Variants in GXYLT1 observed in about 807,000 individuals in gnomAD.
GXYLT1 encodes glycosyltransferase 8 domain containing 3.
Under a neutral mutation model 54.0 loss-of-function variants are expected in GXYLT1, and 29 were observed. That is an observed-to-expected ratio of 0.54 (90% CI 0.40 to 0.73). The LOEUF (loss-of-function observed/expected upper bound fraction) is 0.73. Ranked by LOEUF, GXYLT1 falls within the 30% of genes least tolerant of loss-of-function variation. The probability of loss-of-function intolerance (pLI) is 0.00; values close to 1 mark genes in which losing one functional copy is unlikely to be tolerated. For missense variants in GXYLT1, 490 were observed against 553.4 expected, an observed-to-expected ratio of 0.89 and a Z score of 1.15; for synonymous variants, 176 against 204.1, an observed-to-expected ratio of 0.86 and a Z score of 1.17.
At chr12:42,143,993 C>A (rs2065665494) in intron 1 of GXYLT1, among the ~76,000 whole-genome samples, 1 of 152,134 alleles carries the variant, frequency 6.6e-6, no homozygotes, top group African/African-American at 2.4e-5. Flanking sequence ...AATACACACA[C>A]ATATACACTC....
intron 3 of GXYLT1, among the ~76,000 whole-genome samples, chr12:42,111,143 C>A (rs1157187663): frequency 6.6e-6 from 1 of 152,096 alleles, no homozygotes; most frequent in East Asian, 1.9e-4. Flanking sequence ...AAAAAACAAT[C>A]CAGGGAGGAG....
intron 2 of GXYLT1, among the ~76,000 whole-genome samples, chr12:42,124,409 C>T (rs2065548794): frequency 6.6e-6 from 1 of 151,812 alleles, no homozygotes; most frequent in African/African-American, 2.4e-5. Flanking sequence ...AACTTATTTG[C>T]AATCAATGGC....
intron 3 of GXYLT1, among the ~76,000 whole-genome samples, chr12:42,112,414 T>G (rs990338948): frequency 6.6e-6 from 1 of 152,006 alleles, no homozygotes; most frequent in East Asian, 1.9e-4. Context: ...GATGAATGGA[T>G]AAACAGAATA....
At position 42,102,238 on chromosome 12, in the gene GXYLT1, T is replaced by C. The variant is rs376989619; in HGVS notation, c.864+3580A>G. On this transcript the variant is annotated intron_variant, in intron 5 of 7. Coordinates refer to ENST00000398675, the MANE Select transcript of GXYLT1 (RefSeq NM_173601.2). ...TTCACATTATGCTCCAACAAAAAAGTGGGAACTCATCAATTCCCAAAGATT... is the reference window on the plus strand; with the variant it reads ...TTCACATTATGCTCCAACAAAAAAGCGGGAACTCATCAATTCCCAAAGATT... 1.7e-4 allele frequency among the ~76,000 whole-genome samples: 26 copies of C among 152,302 alleles called. 1 individual carries two copies. The East Asian group carries it at 2.9e-3, about 17-fold the overall frequency.
Position 42,129,838 on chromosome 12 carries a change from A to C in GXYLT1, c.235T>G (p.Ser79Ala), listed in dbSNP as rs926565409. The stretch of plus-strand genomic sequence containing the variant: ...CAATAGGGATTCCAGTAACACAGAG[A>C]GAAATCTTTACACCTAACAGAGTAA... Reference protein sequence around the residue: ...PGVSDRCKDFSLCYWNPYWML... With the variant: ...PGVSDRCKDFALCYWNPYWML... The change falls in exon 2 of 8, where the codon TCT (serine) becomes GCT (alanine). Residue 79 changes from serine (S) to alanine (A), a missense_variant. By Grantham distance (99) the Ser-to-Ala change is moderately conservative (BLOSUM62 1). Coordinates refer to ENST00000398675, the MANE Select transcript of GXYLT1 (RefSeq NM_173601.2). 5 of 1,611,170 alleles carry C rather than the reference A, an allele frequency of 3.1e-6. No homozygotes were observed. Among genetic ancestry groups the C allele is most frequent in the Admixed American group, 1.7e-5 (1 of 59,998 alleles).
At chr12:42,093,037 T>C (rs191617132) in intron 7 of GXYLT1, among the ~76,000 whole-genome samples, 63 of 152,344 alleles carry the variant, frequency 4.1e-4, no homozygotes, top group Admixed American at 1.6e-3. Context: ...TTGGTTAGGA[T>C]GTCTCAACAC....
At position 42,144,432 on chromosome 12, in the gene GXYLT1, G is replaced by A; in HGVS notation, c.215C>T (p.Ser72Leu). ...VAGPAAHPGV[S>L]DRCKDFSLCY... The stretch of plus-strand genomic sequence containing the variant: ...CACCGGGAACTGCCCGTACCTGTCC[G>A]ACACGCCGGGATGCGCTGCGGGGCC... The change falls in exon 1 of 8, where the codon TCG becomes TTG. Residue 72 changes from serine to leucine, a missense_variant. Coordinates refer to ENST00000398675, the MANE Select transcript of GXYLT1 (RefSeq NM_173601.2). 3.3e-6 allele frequency: 4 copies of A among 1,226,288 alleles called. No homozygotes were observed. The highest frequency in any genetic ancestry group is 4.0e-6 in the Non-Finnish European group (4 of 987,718). The allele number at this position is 1,226,288 out of a possible 1,614,324, so 76.0% of individuals were successfully genotyped here.
chr12:42,126,649 T>C (rs1329707866), intron 2 of GXYLT1, among the ~76,000 whole-genome samples: 1 of 152,218 alleles, frequency 6.6e-6, no homozygotes, highest in African/African-American at 2.4e-5. Flanking sequence ...TTCCAGTATT[T>C]TGGGAGGCCG....
At chr12:42,090,668 G>A (rs192223513) in intron 7 of GXYLT1, among the ~76,000 whole-genome samples, 5 of 152,322 alleles carry the variant, frequency 3.3e-5, no homozygotes, top group African/African-American at 1.2e-4. Flanking sequence ...AAATACAGGA[G>A]AATGGCAGTT....
chr12:42,136,786 A>ACATACATG (rs1204237739), intron 1 of GXYLT1, among the ~76,000 whole-genome samples: 1 of 147,136 alleles, frequency 6.8e-6, no homozygotes, highest in African/African-American at 2.4e-5. Flanking sequence ...ATACATACAT[A>ACATACATG]CAAACAAACA....
intron 3 of GXYLT1, among the ~76,000 whole-genome samples, chr12:42,112,227 A>G (rs1326559542): frequency 6.6e-6 from 1 of 152,206 alleles, no homozygotes; most frequent in African/African-American, 2.4e-5. Flanking sequence ...AAACTCTAAA[A>G]AGCAGAGTGC....
At chr12:42,094,067 A>AAGC (rs963958329) in intron 7 of GXYLT1, among the ~76,000 whole-genome samples, 1 of 150,672 alleles carries the variant, frequency 6.6e-6, no homozygotes, top group Non-Finnish European at 1.5e-5. Context: ...AAAAAAAAAA[A>AAGC]GGGGGGTGTT....
chr12:42,091,497 A>G (rs2065329218), intron 7 of GXYLT1, among the ~76,000 whole-genome samples: 1 of 152,114 alleles, frequency 6.6e-6, no homozygotes, highest in Admixed American at 6.5e-5. Flanking sequence ...AAGTCTCAGA[A>G]CCCCACAAGC....
intron 1 of GXYLT1, among the ~76,000 whole-genome samples, chr12:42,140,201 G>GA (rs2065644015): frequency 5.2e-4 from 5 of 9,574 alleles, no homozygotes; most frequent in Non-Finnish European, 1.4e-3. Flanking sequence ...AAAAAAAGGC[G>GA]GGGGGGGGGG....
At chr12:42,139,637 G>C (rs914218832) in intron 1 of GXYLT1, among the ~76,000 whole-genome samples, 2 of 152,184 alleles carry the variant, frequency 1.3e-5, no homozygotes. Flanking sequence ...AATTTCTGTA[G>C]TTTCTAAGCT....
chr12:42,114,657 A>G (rs1750605938), intron 3 of GXYLT1, among the ~76,000 whole-genome samples: 1 of 152,096 alleles, frequency 6.6e-6, no homozygotes, highest in Non-Finnish European at 1.5e-5. Context: ...CAACCAAAAA[A>G]AGTCCAGGAC....
intron 1 of GXYLT1, among the ~76,000 whole-genome samples, chr12:42,138,325 T>C (rs1031238312): frequency 2.0e-5 from 3 of 152,220 alleles, no homozygotes; most frequent in African/African-American, 7.2e-5. Context: ...AAATAATTTC[T>C]AGACAACTTA....
rs1159839685 is a variant in GXYLT1, at chr12:42,083,966, A to C, written c.*3820T>G. ...TATTTCCACAGGTCCTAGCTCACAA[A>C]CTGGGATCCACTAAAAAAAAAAGAC... On this transcript the variant is annotated 3_prime_UTR_variant, in exon 8 of 8. Coordinates refer to ENST00000398675, the MANE Select transcript of GXYLT1 (RefSeq NM_173601.2). 6.6e-6 allele frequency: 1 copy of C among 150,404 alleles called. No homozygotes were observed. Among genetic ancestry groups the C allele is most frequent in the Non-Finnish European group, 1.5e-5 (1 of 68,030 alleles). The allele number at this position is 150,404 out of a possible 1,614,324, so 9.3% of individuals were successfully genotyped here.
intron 5 of GXYLT1, among the ~76,000 whole-genome samples, chr12:42,098,538 C>A (rs1565567053): frequency 6.6e-6 from 1 of 151,584 alleles, no homozygotes; most frequent in Non-Finnish European, 1.5e-5. Context: ...AATGCATACA[C>A]AACTTAAGTT....
Sources: gnomAD v4.1 joint callset for allele counts (sites outside exome capture counted in the v4.1 genomes callset) on GRCh38, gnomAD v4.1.1 for gene constraint, MANE v1.5 for transcripts, NCBI Gene and HGNC (gene_info 2026-07-23, HGNC 2026-07-21) for gene names.